The following CLEC2D variants were observed in gnomAD, a reference collection of about 807,000 sequenced individuals.
The protein encoded by CLEC2D is C-type lectin domain family 2 member D.
CLEC2D carries 16 observed loss-of-function variants against 20.0 expected under a neutral mutation model. The ratio of observed to expected loss-of-function variants is 0.80; its 90% CI spans 0.54 to 1.22. The LOEUF is 1.22. Ranked by LOEUF, CLEC2D falls within the 50% of genes most tolerant of loss-of-function variation. The pLI is 0.00. For synonymous variants in CLEC2D, 77 were observed against 71.1 expected (o/e 1.08, Z -0.42); for missense variants, 207 against 221.5 (o/e 0.93, Z 0.42).
intron 4 of CLEC2D, 106 bp from the exon 5 acceptor site, chr12:9,694,654 T>A: frequency 7.2e-6 from 5 of 695,934 alleles, no homozygotes. Context: ...AACAGCATTA[T>A]TTTTAGAGGC....
Position 9,669,813 on chromosome 12 carries a change from A to G in CLEC2D, c.61+18A>G, listed in dbSNP as rs749967699. On this transcript the variant is annotated intron_variant, in intron 1 of 4. Transcript: ENST00000290855. Reference sequence around the variant, plus strand: ...AAACCCAGGTAAGAAGCTGGGCTCTACAGAGTAAGTGTGAGGACTGGAATG... The same window carrying G: ...AAACCCAGGTAAGAAGCTGGGCTCTGCAGAGTAAGTGTGAGGACTGGAATG... 3.1e-6 allele frequency: 5 copies of G among 1,594,706 alleles called. No homozygotes were observed. The highest frequency in any genetic ancestry group is 1.7e-5 in the Admixed American group (1 of 59,982).
At chr12:9,674,901 G>A (rs1484426819) in intron 1 of CLEC2D, among the ~76,000 whole-genome samples, 1 of 152,046 alleles carries the variant, frequency 6.6e-6, no homozygotes, top group Non-Finnish European at 1.5e-5. Context: ...AAGTTATCTA[G>A]GCTTTCTCTT....
At position 9,696,035 on chromosome 12, in the gene CLEC2D, A is replaced by G; in HGVS notation, c.*1161A>G. On this transcript the variant is annotated 3_prime_UTR_variant, in exon 5 of 5. Transcript: ENST00000290855. Reference sequence around the variant, plus strand: ...TCAAAAGGACAAGAATCCTTCAAAAAACAGGAAAAATCTCCTAAAACACCA... The same window carrying G: ...TCAAAAGGACAAGAATCCTTCAAAAGACAGGAAAAATCTCCTAAAACACCA... The G allele has an allele frequency of 7.3e-7, 1 of 1,363,796 alleles. No homozygotes were observed. The highest frequency in any genetic ancestry group is 1.2e-5 in the South Asian group (1 of 86,228). 84.5% of individuals were successfully genotyped at this position (1,363,796 alleles called of 1,614,324 possible). A position where few individuals can be genotyped will look rare whatever the true frequency, so the allele number is the denominator to read the frequency against.
At chr12:9,682,558 G>A (rs965696427) in intron 2 of CLEC2D, among the ~76,000 whole-genome samples, 5 of 151,978 alleles carry the variant, frequency 3.3e-5, no homozygotes, top group East Asian at 1.9e-4. Context: ...GTGATGTTCC[G>A]CTCCCTGCAT....
chr12:9,672,415 T>C (rs1865442852), intron 1 of CLEC2D, among the ~76,000 whole-genome samples: 1 of 152,210 alleles, frequency 6.6e-6, no homozygotes. Flanking sequence ...ATTAATAACC[T>C]ACATTGGCAT....
rs748099806 is a variant in CLEC2D at position 9,696,951 on chromosome 12, C to T, written c.*2077C>T. ...ATCTTTATTCATAATAGCCAAGATA[C>T]GGAACTAACTGAAGTGACCATTAAC... On this transcript the variant is annotated 3_prime_UTR_variant, in exon 5 of 5. Transcript: ENST00000290855. The T allele has an allele frequency of 2.0e-4, 30 of 151,978 alleles. No homozygotes were observed. Among genetic ancestry groups the T allele is most frequent in the Middle Eastern group, 3.4e-3 (1 of 294 alleles). 9.4% of individuals were successfully genotyped at this position (151,978 alleles called of 1,614,324 possible).
At chr12:9,677,707 C>CTTTTTTTTTTTTTTTTTTTTTTT (rs36120151) in intron 1 of CLEC2D, among the ~76,000 whole-genome samples, 11 of 122,428 alleles carry the variant, frequency 9.0e-5, no homozygotes, top group Non-Finnish European at 1.4e-4. Flanking sequence ...TTCTTTCTTT[C>CTTTTTTTTTTTTTTTTTTTTTTT]TTTTTTTTTT....
Position 9,697,518 on chromosome 12 carries a change from T to A in CLEC2D, c.*2644T>A. The A allele has an allele frequency of 6.7e-6, 1 of 148,672 alleles. No homozygotes were observed. The highest frequency in any genetic ancestry group is 1.5e-5 in the Non-Finnish European group (1 of 67,798). The allele number at this position is 148,672 out of a possible 1,614,324, so 9.2% of individuals were successfully genotyped here. A position where few individuals can be genotyped will look rare whatever the true frequency, so the allele number is the denominator to read the frequency against. ...TCTGAAGGCTGTGAGACCCCTGATT[T>A]CCCACTTCACACCTCTATATTTCTG... On this transcript the variant is annotated 3_prime_UTR_variant, in exon 5 of 5. Coordinates refer to ENST00000290855, the MANE Select transcript of CLEC2D (RefSeq NM_013269.6).
intron 2 of CLEC2D, among the ~76,000 whole-genome samples, chr12:9,683,533 T>C (rs901301563): frequency 2.0e-5 from 3 of 152,186 alleles, no homozygotes; most frequent in African/African-American, 7.2e-5. Context: ...TTAATCCATC[T>C]TGAGCTAATT....
At chr12:9,675,914 G>A (rs764145250) in intron 1 of CLEC2D, among the ~76,000 whole-genome samples, 6 of 152,122 alleles carry the variant, frequency 3.9e-5, no homozygotes, top group Non-Finnish European at 8.8e-5. Context: ...ATGGCACTGT[G>A]TTCTCAATTA....
intron 1 of CLEC2D, among the ~76,000 whole-genome samples, chr12:9,673,771 C>A (rs1865468470): frequency 6.6e-6 from 1 of 152,202 alleles, no homozygotes; most frequent in African/African-American, 2.4e-5. Flanking sequence ...GATGACCTGC[C>A]TGGTGAGGAG....
At chr12:9,682,031 A>C (rs1388201481) in intron 2 of CLEC2D, among the ~76,000 whole-genome samples, 2 of 152,180 alleles carry the variant, frequency 1.3e-5, no homozygotes, top group Non-Finnish European at 2.9e-5. Context: ...TTAAATTTAT[A>C]GCTCTTTTTT....
chr12:9,681,067 G>A, intron 2 of CLEC2D, 34 bp downstream of exon 2: 1 of 1,054,884 alleles, frequency 9.5e-7, no homozygotes, highest in Non-Finnish European at 1.4e-6. Flanking sequence ...CATCTAGAGA[G>A]AATTATACTT....
Position 9,696,027 on chromosome 12 carries a change from C to T in CLEC2D, c.*1153C>T. On this transcript the variant is annotated 3_prime_UTR_variant, in exon 5 of 5. Transcript: ENST00000290855. ...CACCAAGATCAAAAGGACAAGAATC[C>T]TTCAAAAAACAGGAAAAATCTCCTA... The T allele has an allele frequency of 1.4e-5, 19 of 1,395,232 alleles. 1 individual carries two copies. Among genetic ancestry groups the T allele is most frequent in the Non-Finnish European group, 1.4e-5 (14 of 995,816 alleles). The allele number at this position is 1,395,232 out of a possible 1,614,324, so 86.4% of individuals were successfully genotyped here. A position where few individuals can be genotyped will look rare whatever the true frequency, so the allele number is the denominator to read the frequency against.
intron 2 of CLEC2D, among the ~76,000 whole-genome samples, chr12:9,681,837 T>C (rs1211576286): frequency 2.0e-5 from 3 of 152,188 alleles, no homozygotes; most frequent in Non-Finnish European, 4.4e-5. Context: ...CTTATTATCT[T>C]TTGGCATTTT....
chr12:9,670,786 C>G (rs867939073), intron 1 of CLEC2D, among the ~76,000 whole-genome samples: 2 of 152,172 alleles, frequency 1.3e-5, no homozygotes, highest in Non-Finnish European at 2.9e-5. Context: ...AATGTCAGTT[C>G]CATTCTGAAA....
chr12:9,686,143 C>T (rs1865744268), intron 2 of CLEC2D, among the ~76,000 whole-genome samples: 1 of 151,618 alleles, frequency 6.6e-6, no homozygotes, highest in Middle Eastern at 3.2e-3. Flanking sequence ...AAGCAGCGCC[C>T]CACCCTGCTT....
intron 2 of CLEC2D, among the ~76,000 whole-genome samples, chr12:9,687,091 T>A (rs762998387): frequency 1.3e-5 from 2 of 152,354 alleles, no homozygotes; most frequent in East Asian, 3.9e-4. Flanking sequence ...GGGGATAATT[T>A]AAGTGCATTA....
chr12:9,673,592 G>C (rs1445629180), intron 1 of CLEC2D, among the ~76,000 whole-genome samples: 1 of 152,240 alleles, frequency 6.6e-6, no homozygotes, highest in East Asian at 1.9e-4. Flanking sequence ...CTGGTGTGCT[G>C]TGCTGGGGGA....
Sources: gnomAD v4.1 joint callset for allele counts (sites outside exome capture counted in the v4.1 genomes callset) on GRCh38, gnomAD v4.1.1 for gene constraint, MANE v1.5 for transcripts, NCBI Gene and HGNC (gene_info 2026-07-23, HGNC 2026-07-21) for gene names.